Variants in TCF7L2 observed in about 807,000 individuals in gnomAD.
TCF7L2 encodes transcription factor 7-like 2.
TCF7L2 carries 23 observed loss-of-function variants against 77.9 expected under a neutral mutation model. The ratio of observed to expected loss-of-function variants is 0.30; its 90% CI spans 0.21 to 0.42. The LOEUF is 0.42. TCF7L2 is among the 10% of genes least tolerant of loss of function. TCF7L2 has a pLI of 1.00. For synonymous variants in TCF7L2, 413 were observed against 340.2 expected (o/e 1.21, Z -2.36); for missense variants, 654 against 793.1 (o/e 0.82, Z 2.11).
At chr10:113,049,105 AG>A (rs1256528566) in intron 5 of TCF7L2, among the ~76,000 whole-genome samples, 1 of 152,112 alleles carries the variant, frequency 6.6e-6, no homozygotes, top group Non-Finnish European at 1.5e-5. Context: ...CAAATCCAGC[AG>A]GTTAGCTGAG....
chr10:113,160,090 G>T, intron 12 of TCF7L2, 98 bp downstream of exon 14: 1 of 1,072,422 alleles, frequency 9.3e-7, no homozygotes, highest in Non-Finnish European at 1.4e-6. Flanking sequence ...TCTGTGTGTG[G>T]ATCTCAGGAG....
intron 5 of TCF7L2, among the ~76,000 whole-genome samples, chr10:113,139,811 TAAAAAAAAA>T (rs34407643): frequency 1.8e-4 from 25 of 138,382 alleles, no homozygotes; most frequent in African/African-American, 6.5e-4. Context: ...CTCACCCATT[TAAAAAAAAA>T]AAAAAAAAAA....
rs373232488 is a variant in TCF7L2, at chr10:113,049,001, C to T, written c.552+8875C>T. Among the ~76,000 whole-genome samples the T allele has an allele frequency of 3.4e-4, 52 of 152,152 alleles. No homozygotes were observed. The South Asian group carries it at 0.01, about 30-fold the overall frequency. ...GAAAACAACTGGATTTCAGAATTGT[C>T]CCTTGAGGTGTACTGGAAACTAAGG... On this transcript the variant is annotated intron_variant, in intron 5 of 13. Transcript: ENST00000627217.
At chr10:113,056,506 C>T (rs963962058) in intron 5 of TCF7L2, among the ~76,000 whole-genome samples, 2 of 151,686 alleles carry the variant, frequency 1.3e-5, no homozygotes, top group South Asian at 2.1e-4. Context: ...GTAACTGAAA[C>T]GTTAAAAGCC....
intron 5 of TCF7L2, chr10:113,132,996 G>A (rs942313585): frequency 2.0e-5 from 3 of 152,236 alleles, no homozygotes; most frequent in African/African-American, 4.8e-5. Flanking sequence ...GATCAGGGGC[G>A]AGCCTGGACC....
At chr10:113,019,622 G>C (rs2047947414) in intron 4 of TCF7L2, among the ~76,000 whole-genome samples, 1 of 151,876 alleles carries the variant, frequency 6.6e-6, no homozygotes, top group Non-Finnish European at 1.5e-5. Context: ...GTTTTAAATT[G>C]TACTTTCGAT....
chr10:112,976,764 G>C (rs2039496357), intron 4 of TCF7L2, among the ~76,000 whole-genome samples: 1 of 152,176 alleles, frequency 6.6e-6, no homozygotes, highest in Admixed American at 6.5e-5. Context: ...TGAGATGAGT[G>C]TTCGACCACT....
At chr10:113,070,125 A>G (rs2057766397) in intron 5 of TCF7L2, among the ~76,000 whole-genome samples, 1 of 151,844 alleles carries the variant, frequency 6.6e-6, no homozygotes, top group South Asian at 2.1e-4. Context: ...GTGTGGTGGC[A>G]AGTGCCTGTA....
chr10:113,070,117 G>A (rs2082133860), intron 5 of TCF7L2, among the ~76,000 whole-genome samples: 1 of 151,876 alleles, frequency 6.6e-6, no homozygotes, highest in Non-Finnish European at 1.5e-5. Context: ...TCAGCTGAGT[G>A]TGGTGGCAAG....
intron 4 of TCF7L2, among the ~76,000 whole-genome samples, chr10:112,965,645 G>A (rs201681481): frequency 0.077 from 11,508 of 150,428 alleles, 1,017 homozygotes; most frequent in East Asian, 0.51. Context: ...GTGTGTGTGT[G>A]TGTGTGTGTG....
At chr10:113,073,147 A>AGAGT (rs1489904520) in intron 5 of TCF7L2, among the ~76,000 whole-genome samples, 2 of 148,710 alleles carry the variant, frequency 1.3e-5, no homozygotes, top group Non-Finnish European at 3.0e-5. Context: ...AGAGAGAGAG[A>AGAGT]GAGACAGAGA....
intron 5 of TCF7L2, among the ~76,000 whole-genome samples, chr10:113,107,735 C>CA (rs2062543502): frequency 8.1e-6 from 1 of 123,182 alleles, no homozygotes; most frequent in Non-Finnish European, 1.6e-5. Context: ...GCCTGGGCGA[C>CA]CGAGCGAGAC....
At chr10:113,004,891 C>T (rs979100313) in intron 4 of TCF7L2, among the ~76,000 whole-genome samples, 1 of 152,056 alleles carries the variant, frequency 6.6e-6, no homozygotes, top group Non-Finnish European at 1.5e-5. Flanking sequence ...CCAGGCTGGT[C>T]ACAAACTCCC....
chr10:113,024,449 A>G (rs1214286034), intron 4 of TCF7L2, among the ~76,000 whole-genome samples: 1 of 152,132 alleles, frequency 6.6e-6, no homozygotes, highest in Non-Finnish European at 1.5e-5. Flanking sequence ...TATACATCCT[A>G]TGAAGGAGTA....
chr10:113,099,211 G>A (rs1295053149), intron 5 of TCF7L2, among the ~76,000 whole-genome samples: 1 of 152,190 alleles, frequency 6.6e-6, no homozygotes, highest in Non-Finnish European at 1.5e-5. Context: ...AGGGAAATAT[G>A]TTATTGCTAA....
chr10:112,992,340 C>T (rs955746205), intron 4 of TCF7L2, among the ~76,000 whole-genome samples: 6 of 152,196 alleles, frequency 3.9e-5, no homozygotes, highest in East Asian at 3.9e-4. Context: ...CCCTCGCCTC[C>T]GCCCCCCAGC....
intron 4 of TCF7L2, among the ~76,000 whole-genome samples, chr10:112,979,531 C>T (rs557695347): frequency 6.6e-6 from 1 of 152,100 alleles, no homozygotes; most frequent in Admixed American, 6.5e-5. Flanking sequence ...CCGAGGCGGG[C>T]GGATCACTTG....
chr10:113,082,390 A>T (rs1418625916), intron 5 of TCF7L2, among the ~76,000 whole-genome samples: 3 of 152,160 alleles, frequency 2.0e-5, no homozygotes, highest in African/African-American at 7.2e-5. Context: ...TACAACAATT[A>T]AAAAAATCTT....
intron 4 of TCF7L2, among the ~76,000 whole-genome samples, chr10:113,013,083 C>T (rs1422857471): frequency 2.0e-5 from 3 of 151,102 alleles, no homozygotes; most frequent in Admixed American, 6.6e-5. Flanking sequence ...ACGCTTAAGA[C>T]CTGACCTCTC....
Sources: gnomAD v4.1 joint callset for allele counts (sites outside exome capture counted in the v4.1 genomes callset) on GRCh38, gnomAD v4.1.1 for gene constraint, MANE v1.5 for transcripts, NCBI Gene and HGNC (gene_info 2026-07-23, HGNC 2026-07-21) for gene names.